Variants in TLCD3B observed in about 807,000 individuals in gnomAD.
TLCD3B encodes the protein TLC domain containing 3B.
TLCD3B carries 9 observed loss-of-function variants against 23.0 expected under a neutral mutation model. The ratio of observed to expected loss-of-function variants is 0.39; its 90% confidence interval spans 0.24 to 0.68. The LOEUF is 0.68. Ranked by LOEUF, TLCD3B falls within the 30% of genes least tolerant of loss-of-function variation. TLCD3B has a pLI of 0.44. For synonymous variants in TLCD3B, 161 were observed against 161.0 expected (o/e 1.00, Z 0.00); for missense variants, 307 against 371.8 (o/e 0.83, Z 1.43).
upstream of TLCD3B, among the ~76,000 whole-genome samples, chr16:30,035,738 TC>T (rs1222230126): frequency 6.9e-6 from 1 of 145,242 alleles, no homozygotes; most frequent in Non-Finnish European, 1.5e-5. Context: ...TTAGACAATT[TC>T]TTTTCTTTTC....
intron 3 of TLCD3B, among the ~76,000 whole-genome samples, chr16:30,026,142 G>A (rs2071123391): frequency 6.6e-6 from 1 of 152,136 alleles, no homozygotes; most frequent in Admixed American, 6.5e-5. Context: ...GGCTGAGATG[G>A]GAGAATCACT....
intron 2 of TLCD3B, among the ~76,000 whole-genome samples, chr16:30,045,236 C>A (rs994500598): frequency 2.0e-5 from 3 of 147,472 alleles, no homozygotes; most frequent in Non-Finnish European, 3.0e-5. Context: ...AAGAGAGTAG[C>A]TTGTTCAGGG....
At chr16:30,040,147 A>AAAAAAAAAAAAAAAAAATATATAT in intron 3 of TLCD3B, among the ~76,000 whole-genome samples, 1 of 95,898 alleles carries the variant, frequency 1.0e-5, no homozygotes, top group African/African-American at 4.3e-5. Flanking sequence ...AAAAAAAAAA[A>AAAAAAAAAAAAAAAAAATATATAT]ATATATATAT....
intron 2 of TLCD3B, 57 bp from the exon 3 acceptor site, chr16:30,026,900 G>T: frequency 1.4e-6 from 2 of 1,468,812 alleles, no homozygotes; most frequent in Non-Finnish European, 1.9e-6. Context: ...ACCAGTGATT[G>T]GGGTCAGATC....
Position 30,036,693 on chromosome 16 carries a change from C to G in TLCD3B, c.-66-479G>C, listed in dbSNP as rs898714427. 4.6e-5 allele frequency among the ~76,000 whole-genome samples: 7 copies of G among 152,160 alleles called. 1 individual carries two copies. The South Asian group carries it at 1.0e-3, about 23-fold the overall frequency. Reference sequence around the variant, plus strand: ...GGGGCTGGGGGGCGGTTCCAGCAAGCCTTGCCTAGAATTGGCCAATTAGAA... The same window carrying G: ...GGGGCTGGGGGGCGGTTCCAGCAAGGCTTGCCTAGAATTGGCCAATTAGAA... On this transcript the variant is annotated intron_variant, in intron 3 of 6. Transcript: ENST00000561666.
At position 30,025,087 on chromosome 16, in the gene TLCD3B, G is replaced by C. The variant is rs2071044899; in HGVS notation, c.*96C>G. 2 of 833,092 alleles carry C rather than the reference G, an allele frequency of 2.4e-6. No individual in the cohort carries two copies. Among genetic ancestry groups the C allele is most frequent in the East Asian group, 5.6e-5 (2 of 35,570 alleles). 51.6% of individuals were successfully genotyped at this position (833,092 alleles called of 1,614,324 possible). A position where few individuals can be genotyped will look rare whatever the true frequency, so the allele number is the denominator to read the frequency against. The stretch of plus-strand genomic sequence containing the variant: ...CATCGTCAGTCCTGGGGTTGTCCGG[G>C]CAAGAGGACCCTGGCTCCCAACCCC... On this transcript the variant is annotated 3_prime_UTR_variant, in exon 5 of 5. Transcript: ENST00000380495. This position sits in a 1 kb window ranked among gnomAD's most constrained non-coding sequence, Gnocchi z 4.1.
At position 30,025,795 on chromosome 16, in the gene TLCD3B, G is replaced by C. The variant is rs1201981197; in HGVS notation, c.471C>G (p.Phe157Leu). The C allele has an allele frequency of 6.2e-7, 1 of 1,614,116 alleles. No individual in the cohort carries two copies. Among genetic ancestry groups the C allele is most frequent in the Admixed American group, 1.7e-5 (1 of 60,026 alleles). The change falls in exon 4 of 5, where the codon TTC (phenylalanine) becomes TTG (leucine). Residue 157 changes from phenylalanine (F) to leucine (L), a missense_variant. By Grantham distance (22) the Phe-to-Leu change is conservative. Coordinates refer to ENST00000380495, the MANE Select transcript of TLCD3B (RefSeq NM_031478.6). This position sits in a 1 kb window ranked among gnomAD's most constrained non-coding sequence, Gnocchi z 4.1. ...SVVWRQGKGDFFLGCMLMAEV... is the reference protein window; with the variant it reads ...SVVWRQGKGDLFLGCMLMAEV... ...CTGCCATCAACATGCAACCCAGAAA[G>C]AAGTCTCCCTTACCCTGTCGCCACA...
Position 30,030,207 on chromosome 16 carries a change from C to T in TLCD3B, c.125+196G>A. 7.0e-6 allele frequency: 9 copies of T among 1,293,964 alleles called. No homozygotes were observed. In the South Asian group the frequency reaches 1.2e-4, roughly 17 times the overall value. 80.2% of individuals were successfully genotyped at this position (1,293,964 alleles called of 1,614,324 possible). On this transcript the variant is annotated intron_variant, in intron 1 of 4. Coordinates refer to ENST00000380495, the MANE Select transcript of TLCD3B (RefSeq NM_031478.6). ...GGCTGAACACTAGTAGACCAGATGG[C>T]CGGGCTGGATGAGGTCTCCCAGAAC...
chr16:30,036,411 T>A, intron 3 of TLCD3B: 1 of 1,281,522 alleles, frequency 7.8e-7, no homozygotes, highest in Non-Finnish European at 1.0e-6. Flanking sequence ...TCCCATCTAC[T>A]CTGGGGAGCA....
chr16:30,037,792 G>GT (rs2071502748), intron 3 of TLCD3B, among the ~76,000 whole-genome samples: 3 of 152,108 alleles, frequency 2.0e-5, no homozygotes, highest in African/African-American at 7.2e-5. Flanking sequence ...AGGATAAAAG[G>GT]TAAAGAAGGC....
upstream of TLCD3B, among the ~76,000 whole-genome samples, chr16:30,034,467 G>A (rs1043035872): frequency 6.6e-6 from 1 of 150,474 alleles, no homozygotes; most frequent in Non-Finnish European, 1.5e-5. Flanking sequence ...TGTAGTCCCA[G>A]CTATGGCAGG....
intron 2 of TLCD3B, among the ~76,000 whole-genome samples, chr16:30,041,737 A>G (rs1220881898): frequency 6.6e-6 from 1 of 151,748 alleles, no homozygotes; most frequent in Non-Finnish European, 1.5e-5. Context: ...AAAAAAAAAA[A>G]AAGTGTTGGG....
chr16:30,030,669 C>T lies in TLCD3B; in HGVS notation c.-142G>A, dbSNP rs1315158589. 4.4e-5 allele frequency: 30 copies of T among 677,962 alleles called. No homozygotes were observed. Among genetic ancestry groups the T allele is most frequent in the Admixed American group, 2.1e-4 (1 of 4,836 alleles). 42.0% of individuals were successfully genotyped at this position (677,962 alleles called of 1,614,324 possible). On this transcript the variant is annotated 5_prime_UTR_variant, in exon 1 of 5. Coordinates refer to ENST00000380495, the MANE Select transcript of TLCD3B (RefSeq NM_031478.6). ...GAGAAGGGGCACAAAGGGGCCAGGG[C>T]GGGGACGGGATGGGGCCAGGGAGTC... is the stretch of plus-strand genomic sequence containing the variant.
chr16:30,030,316 T>G, intron 1 of TLCD3B, 87 bp downstream of exon 1: 2 of 1,358,254 alleles, frequency 1.5e-6, no homozygotes, highest in Non-Finnish European at 2.0e-6. Flanking sequence ...CCCCCACCGC[T>G]GAGGGTCCAG....
intron 1 of TLCD3B, among the ~76,000 whole-genome samples, chr16:30,049,745 T>TGAAA (rs1184830561): frequency 6.6e-6 from 1 of 151,990 alleles, no homozygotes; most frequent in East Asian, 1.9e-4. Context: ...GCCAACATGG[T>TGAAA]GAAACCCTGT....
At position 30,030,553 on chromosome 16, in the gene TLCD3B, G is replaced by A; in HGVS notation, c.-26C>T. On this transcript the variant is annotated 5_prime_UTR_variant, in exon 1 of 5. Transcript: ENST00000380495. ...GGTGGCTCAGGACTTGGGCAGGGAGGCAGGCGGGCCGTGAAGGGGCAGGGA... is the reference window on the plus strand; with the variant it reads ...GGTGGCTCAGGACTTGGGCAGGGAGACAGGCGGGCCGTGAAGGGGCAGGGA... 1 of 1,553,070 alleles carries A rather than the reference G, an allele frequency of 6.4e-7. No homozygotes were observed. The highest frequency in any genetic ancestry group is 8.7e-7 in the Non-Finnish European group (1 of 1,154,408).
intron 2 of TLCD3B, among the ~76,000 whole-genome samples, chr16:30,044,855 CG>C (rs1044348085): frequency 6.6e-6 from 1 of 151,668 alleles, no homozygotes; most frequent in African/African-American, 2.4e-5. Context: ...CGGCGGGCGG[CG>C]GGGGGGTGCG....
At position 30,026,983 on chromosome 16, in the gene TLCD3B, G is replaced by A. The variant is rs1596738130; in HGVS notation, c.210-140C>T. ...AGATGAGGGATCCAGAGGGTAGAGG[G>A]TGAGAAACTTGCCCAAGGTCACACA... On this transcript the variant is annotated intron_variant, in intron 2 of 4. Coordinates refer to ENST00000380495, the MANE Select transcript of TLCD3B (RefSeq NM_031478.6). 5.3e-6 allele frequency: 4 copies of A among 749,570 alleles called. No individual in the cohort carries two copies. In the Admixed American group the frequency reaches 6.0e-5, roughly 11 times the overall value. 46.4% of individuals were successfully genotyped at this position (749,570 alleles called of 1,614,324 possible).
chr16:30,029,456 G>A lies in TLCD3B; in HGVS notation c.185C>T (p.Ser62Phe). The A allele has an allele frequency of 6.2e-7, 1 of 1,614,054 alleles. No individual in the cohort carries two copies. The highest frequency in any genetic ancestry group is 8.5e-7 in the Non-Finnish European group (1 of 1,179,970). Residue 62 changes from serine to phenylalanine, a missense_variant, in exon 2 of 5, where the codon TCC becomes TTC. Transcript: ENST00000380495. This position sits in a 1 kb window ranked among gnomAD's most constrained non-coding sequence, Gnocchi z 4.6. The stretch of plus-strand genomic sequence containing the variant: ...CTGGTCATCAATGATGTGCTTGCAG[G>A]AGGTGGAGACGATGTAGCCGGCAGT... ...ASTAGYIVST[S>F]CKHIIDDQHW...
Sources: gnomAD v4.1 joint callset for allele counts (sites outside exome capture counted in the v4.1 genomes callset) on GRCh38, gnomAD v4.1.1 for gene constraint, Gnocchi (gnomAD v3.1) non-coding constraint, MANE v1.5 for transcripts, NCBI Gene and HGNC (gene_info 2026-07-23, HGNC 2026-07-21) for gene names.